The following SPIDR variants were observed in gnomAD, a reference collection of about 807,000 sequenced individuals.
The protein encoded by SPIDR is DNA repair-scaffolding protein.
SPIDR carries 93 observed loss-of-function variants against 104.6 expected under a neutral mutation model. That is an observed-to-expected ratio of 0.89 (90% CI 0.75 to 1.06). SPIDR has a LOEUF of 1.06. Ranked by LOEUF, SPIDR falls within the 50% of genes least tolerant of loss-of-function variation. SPIDR has a pLI of 0.00. For missense variants in SPIDR, 1,154 were observed against 1,111.2 expected (o/e 1.04, Z -0.55); for synonymous variants, 431 against 416.9 (o/e 1.03, Z -0.41).
rs78467472 is a variant in SPIDR, at chr8:47,339,098, T to C, written c.525+45068T>C. On this transcript the variant is annotated intron_variant, in intron 5 of 19. Coordinates refer to ENST00000297423, the MANE Select transcript of SPIDR (RefSeq NM_001080394.4). The stretch of plus-strand genomic sequence containing the variant: ...CAACTGCTCAGAGGGATTTTAAATA[T>C]TTAACATTTCCGTTTTAAATATCAT... 4.8e-3 allele frequency among the ~76,000 whole-genome samples: 725 copies of C among 152,344 alleles called. 5 individuals carry two copies. Among genetic ancestry groups the C allele is most frequent in the African/African-American group, 0.017 (687 of 41,568 alleles).
Position 47,260,962 on chromosome 8 carries a change from C to G in SPIDR, c.4C>G (p.Pro2Ala), listed in dbSNP as rs998109689. Reference protein sequence around the residue: MPRGSRARGSKR... With the variant: MARGSRARGSKR... The stretch of plus-strand genomic sequence containing the variant: ...CGCTCAGGCGGCGCTCCCGGAGATG[C>G]CCCGCGGCAGCCGCGCTCGGGGCTC... The change falls in exon 1 of 20, where the codon CCC becomes GCC. Residue 2 changes from proline to alanine, a missense_variant. Physicochemically the swap from Pro to Ala is conservative, Grantham distance 27. Transcript: ENST00000297423. 9.8e-6 allele frequency: 12 copies of G among 1,229,442 alleles called. No homozygotes were observed. Among genetic ancestry groups the G allele is most frequent in the African/African-American group, 4.7e-5 (3 of 64,082 alleles). 76.2% of individuals were successfully genotyped at this position (1,229,442 alleles called of 1,614,324 possible).
At chr8:47,616,837 T>C (rs183447649) in intron 10 of SPIDR, among the ~76,000 whole-genome samples, 2 of 152,368 alleles carry the variant, frequency 1.3e-5, no homozygotes, top group African/African-American at 4.8e-5. Context: ...CTGAAGTTCA[T>C]ACTTTATTTA....
chr8:47,453,449 C>T (rs1311431595), intron 8 of SPIDR, among the ~76,000 whole-genome samples: 1 of 152,320 alleles, frequency 6.6e-6, no homozygotes, highest in East Asian at 1.9e-4. Context: ...AGGCATCACG[C>T]TGCCTGACTT....
At chr8:47,325,903 A>G (rs1286085776) in intron 5 of SPIDR, among the ~76,000 whole-genome samples, 1 of 152,260 alleles carries the variant, frequency 6.6e-6, no homozygotes, top group Non-Finnish European at 1.5e-5. Flanking sequence ...GAAGTCTTCC[A>G]GCACACCTAA....
intron 1 of SPIDR, among the ~76,000 whole-genome samples, chr8:47,270,504 T>G (rs1307216312): frequency 6.6e-6 from 1 of 152,152 alleles, no homozygotes; most frequent in Non-Finnish European, 1.5e-5. Context: ...TATTCCTGAG[T>G]TTTGTAGTTT....
chr8:47,273,233 A>C (rs2035692677), intron 1 of SPIDR, among the ~76,000 whole-genome samples: 1 of 152,222 alleles, frequency 6.6e-6, no homozygotes, highest in African/African-American at 2.4e-5. Context: ...GATCAATTGA[A>C]TATAAATAGG....
At chr8:47,436,214 G>C (rs1228598228) in intron 7 of SPIDR, among the ~76,000 whole-genome samples, 1 of 152,178 alleles carries the variant, frequency 6.6e-6, no homozygotes, top group Non-Finnish European at 1.5e-5. Context: ...TCTTACAAGA[G>C]AGTTAAAGTA....
chr8:47,610,504 C>T (rs1035028208), intron 10 of SPIDR, among the ~76,000 whole-genome samples: 2 of 152,228 alleles, frequency 1.3e-5, no homozygotes, highest in Non-Finnish European at 2.9e-5. Context: ...TGCTGCCCCT[C>T]TCCTCCCCTT....
chr8:47,399,983 G>C (rs1554661374), intron 6 of SPIDR, among the ~76,000 whole-genome samples: 1 of 152,176 alleles, frequency 6.6e-6, no homozygotes, highest in African/African-American at 2.4e-5. Flanking sequence ...GCGAGTGGAG[G>C]ACACCATCTT....
At chr8:47,590,427 C>T (rs943925203) in intron 8 of SPIDR, among the ~76,000 whole-genome samples, 2 of 151,776 alleles carry the variant, frequency 1.3e-5, no homozygotes, top group Non-Finnish European at 2.9e-5. Flanking sequence ...CCTCTTTGAC[C>T]CTTGGATTAT....
chr8:47,717,190 C>G (rs2082711069), intron 16 of SPIDR, among the ~76,000 whole-genome samples: 1 of 152,172 alleles, frequency 6.6e-6, no homozygotes, highest in Non-Finnish European at 1.5e-5. Flanking sequence ...TCGCTCGCTT[C>G]CAGGGCTTGC....
At chr8:47,525,539 G>A (rs1343827586) in intron 8 of SPIDR, among the ~76,000 whole-genome samples, 1 of 53,870 alleles carries the variant, frequency 1.9e-5, no homozygotes, top group Non-Finnish European at 9.1e-5. Flanking sequence ...GGTGGCTCAC[G>A]CCTGTAATCC....
intron 5 of SPIDR, among the ~76,000 whole-genome samples, chr8:47,344,810 G>C (rs1311471796): frequency 6.6e-6 from 1 of 152,108 alleles, no homozygotes; most frequent in African/African-American, 2.4e-5. Flanking sequence ...CTTTTTGATG[G>C]GGCTGTTTGA....
chr8:47,406,419 A>G (rs1343725969), intron 6 of SPIDR, among the ~76,000 whole-genome samples: 2 of 152,326 alleles, frequency 1.3e-5, no homozygotes, highest in East Asian at 3.9e-4. Context: ...AAGGGGAAGC[A>G]TAAACGAGTT....
intron 3 of SPIDR, among the ~76,000 whole-genome samples, chr8:47,285,123 T>C (rs1335277800): frequency 5.9e-5 from 9 of 152,224 alleles, no homozygotes; most frequent in Non-Finnish European, 1.0e-4. Flanking sequence ...AAATGCCTAA[T>C]TAAAGGTGCT....
At chr8:47,644,063 T>C (rs2069739074) in intron 10 of SPIDR, among the ~76,000 whole-genome samples, 1 of 152,230 alleles carries the variant, frequency 6.6e-6, no homozygotes, top group South Asian at 2.1e-4. Flanking sequence ...TCCTGGAACC[T>C]CTGCATTCCA....
intron 9 of SPIDR, among the ~76,000 whole-genome samples, chr8:47,597,908 G>T (rs1325512565): frequency 6.6e-6 from 1 of 152,104 alleles, no homozygotes; most frequent in African/African-American, 2.4e-5. Flanking sequence ...ATAAGTTGTC[G>T]CTGAACAGAA....
At chr8:47,392,989 A>T (rs1238316717) in intron 5 of SPIDR, among the ~76,000 whole-genome samples, 1 of 152,140 alleles carries the variant, frequency 6.6e-6, no homozygotes, top group South Asian at 2.1e-4. Flanking sequence ...CCAAGGTTCC[A>T]ATTTGGACCT....
chr8:47,304,883 T>C (rs2042862026), intron 5 of SPIDR, among the ~76,000 whole-genome samples: 1 of 152,226 alleles, frequency 6.6e-6, no homozygotes, highest in Admixed American at 6.5e-5. Context: ...AATAGATTAA[T>C]ATCATTATCA....
Sources: allele counts gnomAD v4.1 joint callset (sites outside exome capture counted in the v4.1 genomes callset), GRCh38; gene constraint gnomAD v4.1.1; transcripts MANE v1.5; gene names NCBI Gene and HGNC (gene_info 2026-07-23, HGNC 2026-07-21).